Variants in ACER1 observed in about 807,000 individuals in gnomAD.
ACER1 encodes the protein CTB-180A7.3.
ACER1 carries 28 observed loss-of-function variants against 24.9 expected under a neutral mutation model. The observed-to-expected ratio is 1.13, with a 90% CI of 0.83 to 1.54. The LOEUF (loss-of-function observed/expected upper bound fraction) is 1.54. Ranked by LOEUF, ACER1 falls within the 40% of genes most tolerant of loss-of-function variation. The pLI is 0.00. For synonymous variants in ACER1, 132 were observed against 131.4 expected (o/e 1.00, Z -0.03); for missense variants, 352 against 349.3 (o/e 1.01, Z -0.06).
chr19:6,358,152 A>T, the ACER1 span, among the ~76,000 whole-genome samples: 4 of 152,138 alleles, frequency 2.6e-5, no homozygotes, highest in East Asian at 7.7e-4. Context: ...CACCTGACTC[A>T]CAGCAGAAAC....
In ACER1 at chr19:6,306,653, C is replaced by T. The variant is rs917881968; in HGVS notation, c.*61G>A. 10 of 1,543,756 alleles carry T rather than the reference C, an allele frequency of 6.5e-6. No homozygotes were observed. The African/African-American group carries it at 1.4e-4, about 21-fold the overall frequency. Reference sequence around the variant, plus strand: ...CCGCAGGTGCAAGTCCTGACCGGGGCTATCTTCTCAAGACACAGGCAAGTT... The same window carrying T: ...CCGCAGGTGCAAGTCCTGACCGGGGTTATCTTCTCAAGACACAGGCAAGTT... On this transcript the variant is annotated 3_prime_UTR_variant, in exon 6 of 6. Coordinates refer to ENST00000301452, the MANE Select transcript of ACER1 (RefSeq NM_133492.3).
chr19:6,330,115 C>T (rs1194841346), intron 1 of ACER1, among the ~76,000 whole-genome samples: 3 of 151,530 alleles, frequency 2.0e-5, no homozygotes, highest in South Asian at 2.1e-4. Context: ...TCGTGATCTG[C>T]CCGCCTCGGC....
the ACER1 span, among the ~76,000 whole-genome samples, chr19:6,354,813 C>G: frequency 3.4e-3 from 504 of 146,428 alleles, 2 homozygotes; most frequent in Non-Finnish European, 5.7e-3. Context: ...CCTCTCCCCC[C>G]TCTCCCTTTC....
chr19:6,348,822 C>A, the ACER1 span, among the ~76,000 whole-genome samples: 1 of 151,950 alleles, frequency 6.6e-6, no homozygotes, highest in African/African-American at 2.4e-5. Context: ...CTTTGGGAGG[C>A]CGAGGCGGGT....
the ACER1 span, chr19:6,360,027 T>C: frequency 6.6e-6 from 1 of 152,114 alleles, no homozygotes; most frequent in Non-Finnish European, 1.5e-5. Context: ...TGAGAAGGTG[T>C]GGCAAAAAAG....
intron 3 of ACER1, among the ~76,000 whole-genome samples, chr19:6,311,805 A>G (rs546338124): frequency 6.6e-6 from 1 of 151,964 alleles, no homozygotes; most frequent in African/African-American, 2.4e-5. Flanking sequence ...AGATGCCAGG[A>G]ACGCCAGGTG....
Position 6,306,583 on chromosome 19 carries a change from AAGG to A in ACER1, c.*128_*130del. On this transcript the variant is annotated 3_prime_UTR_variant, in exon 6 of 6. Coordinates refer to ENST00000301452, the MANE Select transcript of ACER1 (RefSeq NM_133492.3). ...GCCTCAAGGCAGGGCAGCGCAGGAC[AAGG>A]AGGACACGGAAGGGGAAACAGAGGA... 8.8e-7 allele frequency: 1 copy of A among 1,129,952 alleles called. No homozygotes were observed. The highest frequency in any genetic ancestry group is 1.2e-6 in the Non-Finnish European group (1 of 804,980). 70.0% of individuals were successfully genotyped at this position (1,129,952 alleles called of 1,614,324 possible). A position where few individuals can be genotyped will look rare whatever the true frequency, so the allele number is the denominator to read the frequency against.
chr19:6,325,097 C>T (rs764824018), intron 1 of ACER1, among the ~76,000 whole-genome samples: 1 of 152,134 alleles, frequency 6.6e-6, no homozygotes, highest in African/African-American at 2.4e-5. Flanking sequence ...CTTCCTGGCT[C>T]TCTCTGCCCA....
chr19:6,348,370 C>T, the ACER1 span, among the ~76,000 whole-genome samples: 2 of 149,166 alleles, frequency 1.3e-5, no homozygotes, highest in African/African-American at 5.0e-5. Context: ...GAGGCTGAGA[C>T]AGGAGAATTG....
At chr19:6,312,575 C>T in intron 1 of ACER1, 76 bp from the exon 2 acceptor site, 7 of 1,149,326 alleles carry the variant, frequency 6.1e-6, no homozygotes, top group Non-Finnish European at 9.1e-6. Flanking sequence ...TCCAGACACT[C>T]AGTCACCAGC....
chr19:6,347,289 T>C, the ACER1 span, among the ~76,000 whole-genome samples: 1 of 147,412 alleles, frequency 6.8e-6, no homozygotes, highest in African/African-American at 2.5e-5. Flanking sequence ...GGTGCAATCA[T>C]AGCTCACTGC....
At chr19:6,335,018 A>AATATAATTATTTATT (rs2091707274), upstream of ACER1, among the ~76,000 whole-genome samples, 1 of 147,062 alleles carries the variant, frequency 6.8e-6, no homozygotes, top group Non-Finnish European at 1.5e-5. Context: ...TAACAATAAT[A>AATATAATTATTTATT]ATATAATTAT....
intron 1 of ACER1, among the ~76,000 whole-genome samples, chr19:6,332,225 G>C (rs10425148): frequency 0.049 from 7,319 of 148,376 alleles, 278 homozygotes; most frequent in African/African-American, 0.11. Context: ...CCTTGGCCTC[G>C]CAAAGTGCTG....
At chr19:6,333,381 C>G (rs2091698144) in intron 1 of ACER1, 78 bp downstream of exon 1, 2 of 1,235,626 alleles carry the variant, frequency 1.6e-6, no homozygotes, top group Non-Finnish European at 2.2e-6. Flanking sequence ...AGCAAGATTC[C>G]CCAGTAAGGC....
rs2091551742 is a variant in ACER1 at position 6,306,247 on chromosome 19, C to T, written c.*467G>A. On this transcript the variant is annotated 3_prime_UTR_variant, in exon 6 of 6. Transcript: ENST00000301452. The stretch of plus-strand genomic sequence containing the variant: ...ATTTTTAGTAGAGGCGGGGTTTTGC[C>T]ATGTTGGCCAGGCTAGTCTTGAACT... 1 of 153,020 alleles carries T rather than the reference C, an allele frequency of 6.5e-6. No homozygotes were observed. The highest frequency in any genetic ancestry group is 2.1e-4 in the South Asian group (1 of 4,870). The allele number at this position is 153,020 out of a possible 1,614,324, so 9.5% of individuals were successfully genotyped here. A position where few individuals can be genotyped will look rare whatever the true frequency, so the allele number is the denominator to read the frequency against.
chr19:6,354,225 A>C, the ACER1 span, among the ~76,000 whole-genome samples: 1 of 151,926 alleles, frequency 6.6e-6, no homozygotes, highest in Non-Finnish European at 1.5e-5. Flanking sequence ...TAAATAAATA[A>C]ATAAATAGTG....
At chr19:6,332,630 C>T (rs865783603) in intron 1 of ACER1, among the ~76,000 whole-genome samples, 1 of 151,956 alleles carries the variant, frequency 6.6e-6, no homozygotes, top group East Asian at 1.9e-4. Flanking sequence ...GAGAAGACCA[C>T]CTCAGAATGT....
chr19:6,319,610 C>CGG (rs2091620284), intron 1 of ACER1, among the ~76,000 whole-genome samples: 1 of 152,032 alleles, frequency 6.6e-6, no homozygotes. Context: ...CCTGCCTTCT[C>CGG]GGGGTGTATA....
intron 3 of ACER1, 114 bp from the exon 4 acceptor site, chr19:6,309,948 GC>G: frequency 7.5e-7 from 1 of 1,331,640 alleles, no homozygotes; most frequent in Non-Finnish European, 1.0e-6. Flanking sequence ...ATTCTGGGGA[GC>G]CCAGATAGGC....
Sources: allele counts gnomAD v4.1 joint callset (sites outside exome capture counted in the v4.1 genomes callset), GRCh38; gene constraint gnomAD v4.1.1; transcripts MANE v1.5; gene names NCBI Gene and HGNC (gene_info 2026-07-23, HGNC 2026-07-21).